C2CD4D: variants seen among roughly 807,000 people sequenced by gnomAD.
The protein encoded by C2CD4D is C2 calcium-dependent domain-containing protein 4D.
C2CD4D carries 1 observed loss-of-function variant against 0.2 expected under a neutral mutation model. That is an observed-to-expected ratio of 4.00 (90% CI 1.42 to 18.99). C2CD4D has a LOEUF of 18.99. Among genes scored for constraint, C2CD4D ranks in the 30% most tolerant of loss-of-function variants. The probability of loss-of-function intolerance (pLI) is 0.11; values close to 1 mark genes in which losing one functional copy is unlikely to be tolerated. For missense variants in C2CD4D, 552 were observed against 551.2 expected (o/e 1.00, Z -0.01); for synonymous variants, 269 against 279.8 (o/e 0.96, Z 0.39).
chr1:151,839,302 C>T, intron 1 of C2CD4D, 82 bp from the exon 2 acceptor site: 1 of 423,726 alleles, frequency 2.4e-6, no homozygotes, highest in South Asian at 2.8e-5. Flanking sequence ...ACAGATTCTC[C>T]CACTGGTACT....
chr1:151,838,935 G>C (rs1008588917), exon 2 of C2CD4D: 27 of 1,549,900 alleles, frequency 1.7e-5, no homozygotes, highest in African/African-American at 1.5e-4. Context: ...GGCGCCCAAC[G>C]GGCCGCAGGC....
At chr1:151,838,938 C>T (rs1204085977) in exon 2 of C2CD4D, 1 of 1,550,052 alleles carries the variant, frequency 6.5e-7, no homozygotes, top group Non-Finnish European at 8.7e-7. Flanking sequence ...GCCCAACGGG[C>T]CGCAGGCTCC....
rs372203294 is a variant in C2CD4D at position 151,840,049 on chromosome 1, G to A, written c.-232+154C>T. Among the ~76,000 whole-genome samples the A allele has an allele frequency of 4.6e-5, 7 of 152,340 alleles. No individual in the cohort carries two copies. The South Asian group carries it at 1.2e-3, about 27-fold the overall frequency. On this transcript the variant is annotated intron_variant, in intron 1 of 1. Coordinates refer to ENST00000454109, the Ensembl canonical transcript of C2CD4D. The stretch of plus-strand genomic sequence containing the variant: ...TAGCGACCCTCTCCGTCGCGCGCCC[G>A]GAGTGCTGGCCTCACCTGTGGGTCG...
chr1:151,839,066 G>T, exon 2 of C2CD4D: 1 of 1,475,514 alleles, frequency 6.8e-7, no homozygotes, highest in Non-Finnish European at 9.2e-7. Context: ...GGGAGTGCTC[G>T]GCGGAGCGGG....
exon 2 of C2CD4D, chr1:151,838,439 G>T: frequency 7.1e-7 from 1 of 1,414,176 alleles, no homozygotes. Flanking sequence ...GGCGCGGCGC[G>T]GCGAGTGCGG....
At position 151,840,548 on chromosome 1, in the gene C2CD4D, G is replaced by C. The variant is rs553377080; in HGVS notation, c.-577C>G. 3.3e-5 allele frequency: 5 copies of C among 152,372 alleles called. No homozygotes were observed. The South Asian group carries it at 1.0e-3, about 32-fold the overall frequency. 9.4% of individuals were successfully genotyped at this position (152,372 alleles called of 1,614,324 possible). On this transcript the variant is annotated 5_prime_UTR_variant, in exon 1 of 2. Coordinates refer to ENST00000454109, the Ensembl canonical transcript of C2CD4D. ...AGTGACTTGCAGTGATCAGTTGTCT[G>C]CATTATTCTGGCTAATAGTTCTCTG...
exon 2 of C2CD4D, chr1:151,838,607 G>A: frequency 7.6e-7 from 1 of 1,314,930 alleles, no homozygotes; most frequent in Middle Eastern, 2.9e-4. Flanking sequence ...GTCCGGGGCG[G>A]AGACGTGCAG....
chr1:151,837,953 A>T, exon 2 of C2CD4D: 11 of 1,542,986 alleles, frequency 7.1e-6, no homozygotes, highest in Non-Finnish European at 8.8e-6. Flanking sequence ...GGTGGGCGCC[A>T]GGGATGACCC....
chr1:151,838,643 C>T (rs1285149941), exon 2 of C2CD4D: 3 of 1,333,556 alleles, frequency 2.2e-6, no homozygotes, highest in Non-Finnish European at 2.9e-6. Flanking sequence ...GGGGAGTCCC[C>T]CGGCCGGGGC....
chr1:151,838,678 T>A, exon 2 of C2CD4D: 1 of 1,371,994 alleles, frequency 7.3e-7, no homozygotes, highest in Non-Finnish European at 9.4e-7. Flanking sequence ...GGAACAGGGA[T>A]TCCCGCCGGC....
At chr1:151,840,517 A>G (rs1457299551) in exon 1 of C2CD4D, 1 of 152,266 alleles carries the variant, frequency 6.6e-6, no homozygotes, top group Non-Finnish European at 1.5e-5. Context: ...AATAGCTCCA[A>G]GGCAGAGTGA....
chr1:151,838,656 G>T, exon 2 of C2CD4D: 1 of 1,363,512 alleles, frequency 7.3e-7, no homozygotes, highest in South Asian at 1.8e-5. Flanking sequence ...GCCGGGGCAG[G>T]TGGCGGCCCG....
chr1:151,838,111 G>A (rs1468839622), exon 2 of C2CD4D: 5 of 1,551,252 alleles, frequency 3.2e-6, no homozygotes, highest in African/African-American at 1.4e-5. Flanking sequence ...GGCCGAGCCC[G>A]TCGAAAAAGA....
At chr1:151,838,414 C>G in exon 2 of C2CD4D, 1 of 1,430,036 alleles carries the variant, frequency 7.0e-7, no homozygotes, top group Admixed American at 2.9e-5. Context: ...GGAAGAGCGG[C>G]GGCGTGGGCG....
At chr1:151,838,280 C>T (rs1652640385) in exon 2 of C2CD4D, 4 of 1,319,432 alleles carry the variant, frequency 3.0e-6, no homozygotes, top group Admixed American at 4.0e-5. Flanking sequence ...GCTCACTAGG[C>T]GCAGCCGCAG....
chr1:151,838,879 G>T (rs1378805014), exon 2 of C2CD4D: 1 of 1,543,164 alleles, frequency 6.5e-7, no homozygotes, highest in Non-Finnish European at 8.7e-7. Context: ...TGGGGCAGGC[G>T]CTTGTGGGCG....
intron 1 of C2CD4D, among the ~76,000 whole-genome samples, 73 bp from the exon 1 acceptor site, chr1:151,839,893 A>G (rs1158936567): frequency 6.6e-6 from 1 of 152,008 alleles, no homozygotes; most frequent in Non-Finnish European, 1.5e-5. Context: ...ACCACCGAGC[A>G]CAAAGGCAGC....
At chr1:151,838,791 C>A in exon 2 of C2CD4D, 1 of 1,360,396 alleles carries the variant, frequency 7.4e-7, no homozygotes, top group South Asian at 1.9e-5. Context: ...TGCCGCCGGG[C>A]CGCGGGCACT....
exon 2 of C2CD4D, chr1:151,838,039 G>A: frequency 1.3e-6 from 2 of 1,551,484 alleles, no homozygotes; most frequent in Non-Finnish European, 1.7e-6. Flanking sequence ...GCACATCCCT[G>A]CGAAGTCCCG....
Sources: allele counts gnomAD v4.1 joint callset (sites outside exome capture counted in the v4.1 genomes callset), GRCh38; gene constraint gnomAD v4.1.1; transcripts MANE v1.5; gene names NCBI Gene and HGNC (gene_info 2026-07-23, HGNC 2026-07-21).